Variants in CENPW observed in about 807,000 individuals in gnomAD.
The protein encoded by CENPW is centromere protein W, also known as cancer-up-regulated gene 2 protein.
A neutral mutation model predicts 11.1 loss-of-function variants in CENPW; 3 were observed. That is an observed-to-expected ratio of 0.27 (90% CI 0.12 to 0.70). The LOEUF (loss-of-function observed/expected upper bound fraction) is 0.70. Ranked by LOEUF, CENPW falls within the 30% of genes least tolerant of loss-of-function variation. The probability of loss-of-function intolerance (pLI) is 0.77; values close to 1 mark genes in which losing one functional copy is unlikely to be tolerated. For missense variants in CENPW, 100 were observed against 105.6 expected, an observed-to-expected ratio of 0.95 and a Z score of 0.23; for synonymous variants, 38 against 42.0, an observed-to-expected ratio of 0.91 and a Z score of 0.37.
At chr6:126,368,006 A>G in the CENPW span, among the ~76,000 whole-genome samples, 2 of 152,238 alleles carry the variant, frequency 1.3e-5, no homozygotes, top group Non-Finnish European at 2.9e-5. Context: ...GAGAATCCCA[A>G]ATATAGCAGC....
chr6:126,409,033 C>T, the CENPW span, among the ~76,000 whole-genome samples: 2 of 152,102 alleles, frequency 1.3e-5, no homozygotes, highest in East Asian at 3.9e-4. Flanking sequence ...CCTTGAGATG[C>T]ATCATTCAGT....
the CENPW span, among the ~76,000 whole-genome samples, chr6:126,374,161 TC>T: frequency 6.6e-6 from 1 of 152,144 alleles, no homozygotes; most frequent in Non-Finnish European, 1.5e-5. Flanking sequence ...CAAAACAATG[TC>T]ACTGCATCAA....
chr6:126,470,243 C>T, the CENPW span, among the ~76,000 whole-genome samples: 2 of 152,190 alleles, frequency 1.3e-5, no homozygotes, highest in Non-Finnish European at 2.9e-5. Context: ...GAACTTGGTG[C>T]CCTTCATCCC....
chr6:126,368,614 C>G, the CENPW span, among the ~76,000 whole-genome samples: 1 of 150,810 alleles, frequency 6.6e-6, no homozygotes, highest in Non-Finnish European at 1.5e-5. Context: ...TTAGTGCACC[C>G]ATCACCCGAG....
chr6:126,474,986 A>ACATTACATGT, the CENPW span, among the ~76,000 whole-genome samples: 9 of 152,154 alleles, frequency 5.9e-5, no homozygotes, highest in African/African-American at 2.2e-4. Context: ...GCTCATAATC[A>ACATTACATGT]CATTACATGT....
the CENPW span, among the ~76,000 whole-genome samples, chr6:126,467,733 C>T: frequency 5.9e-5 from 9 of 152,128 alleles, no homozygotes; most frequent in Non-Finnish European, 1.0e-4. Flanking sequence ...AGGGGCATAA[C>T]TTGTTAAGGC....
the CENPW span, among the ~76,000 whole-genome samples, chr6:126,374,220 T>C: frequency 6.6e-6 from 1 of 152,184 alleles, no homozygotes; most frequent in Non-Finnish European, 1.5e-5. Flanking sequence ...TCAGAGCTAG[T>C]ATTGCTAGTG....
At chr6:126,381,314 A>T in the CENPW span, among the ~76,000 whole-genome samples, 1 of 152,130 alleles carries the variant, frequency 6.6e-6, no homozygotes, top group Non-Finnish European at 1.5e-5. Context: ...CACCCTTATT[A>T]CTAGGCAAGA....
At chr6:126,460,389 G>A in the CENPW span, among the ~76,000 whole-genome samples, 1 of 151,574 alleles carries the variant, frequency 6.6e-6, no homozygotes. Context: ...TGAAAATCAC[G>A]GGATTTTTGA....
chr6:126,359,263 T>C, the CENPW span, among the ~76,000 whole-genome samples: 1 of 152,092 alleles, frequency 6.6e-6, no homozygotes, highest in Non-Finnish European at 1.5e-5. Context: ...CTATTTTTAT[T>C]GCACTGTGGT....
the CENPW span, among the ~76,000 whole-genome samples, chr6:126,364,068 T>G: frequency 6.6e-6 from 1 of 152,194 alleles, no homozygotes; most frequent in African/African-American, 2.4e-5. Flanking sequence ...TCCCAAGAGT[T>G]TGACAGGCTA....
the CENPW span, among the ~76,000 whole-genome samples, chr6:126,357,849 C>T: frequency 5.9e-5 from 9 of 152,040 alleles, no homozygotes; most frequent in South Asian, 2.1e-4. Context: ...CCTCATGATC[C>T]GCCTGCCGCA....
chr6:126,443,672 A>T, the CENPW span, among the ~76,000 whole-genome samples: 2 of 151,248 alleles, frequency 1.3e-5, no homozygotes, highest in Admixed American at 1.3e-4. Flanking sequence ...ATTGTGCTAT[A>T]TGAACATTAT....
the CENPW span, among the ~76,000 whole-genome samples, chr6:126,377,931 A>G: frequency 5.9e-5 from 9 of 152,204 alleles, no homozygotes; most frequent in African/African-American, 2.2e-4. Context: ...CATAATACTC[A>G]GAACATATTG....
the CENPW span, among the ~76,000 whole-genome samples, chr6:126,480,264 A>C: frequency 6.6e-5 from 10 of 152,182 alleles, no homozygotes; most frequent in African/African-American, 2.4e-4. Flanking sequence ...AGGAGAAATA[A>C]AAAATGTTAT....
At position 126,340,361 on chromosome 6, in the gene CENPW, A is replaced by C; in HGVS notation, c.88A>C (p.Lys30Gln). ...GFLKRVFKRK[K>Q]PQLRLEKSGD... ...TCTAAAGCGAGTCTTCAAGCGAAAG[A>C]AGCCTCAACTTCGTCTGGAGAAAAG... The change falls in exon 1 of 3, where the codon AAG becomes CAG. Residue 30 changes from lysine (K) to glutamine (Q), a missense_variant. Physicochemically the swap from Lys to Gln is moderately conservative, Grantham distance 53 (BLOSUM62 1). Coordinates refer to ENST00000368328, the MANE Select transcript of CENPW (RefSeq NM_001012507.4). 6.2e-7 allele frequency: 1 copy of C among 1,614,148 alleles called. No homozygotes were observed. Among genetic ancestry groups the C allele is most frequent in the Non-Finnish European group, 8.5e-7 (1 of 1,180,016 alleles).
the CENPW span, among the ~76,000 whole-genome samples, chr6:126,464,184 A>G: frequency 6.6e-6 from 1 of 152,104 alleles, no homozygotes; most frequent in African/African-American, 2.4e-5. Context: ...CAATCAGTAC[A>G]ACTCTCCATA....
chr6:126,444,704 C>T, the CENPW span, among the ~76,000 whole-genome samples: 1 of 150,876 alleles, frequency 6.6e-6, no homozygotes, highest in South Asian at 2.1e-4. Flanking sequence ...ATATTTTTAT[C>T]TGTTTTATGG....
chr6:126,420,369 A>G, the CENPW span, among the ~76,000 whole-genome samples: 2 of 152,290 alleles, frequency 1.3e-5, no homozygotes, highest in Non-Finnish European at 1.5e-5. Flanking sequence ...TGCATCAAGT[A>G]TCTTCTTTAG....
Sources: gnomAD v4.1 joint callset for allele counts (sites outside exome capture counted in the v4.1 genomes callset) on GRCh38, gnomAD v4.1.1 for gene constraint, MANE v1.5 for transcripts, NCBI Gene and HGNC (gene_info 2026-07-23, HGNC 2026-07-21) for gene names.